Variants in GPHN observed in about 807,000 individuals in gnomAD.
The protein encoded by GPHN is gephyrin.
A neutral mutation model predicts 95.5 loss-of-function variants in GPHN; 17 were observed. The observed-to-expected ratio is 0.18, with a 90% confidence interval of 0.12 to 0.27. The LOEUF is 0.27. GPHN is among the 10% of genes least tolerant of loss of function. GPHN has a pLI of 1.00. For missense variants in GPHN, 660 were observed against 978.1 expected (o/e 0.67, Z 4.34); for synonymous variants, 320 against 322.5 (o/e 0.99, Z 0.08).
chr14:67,488,664 T>C, the GPHN span: 1 of 152,600 alleles, frequency 6.6e-6, no homozygotes. Context: ...CAATCCCACC[T>C]GTGGAGACTT....
intron 11 of GPHN, among the ~76,000 whole-genome samples, chr14:67,066,216 G>A (rs2076052096): frequency 6.6e-6 from 1 of 152,090 alleles, no homozygotes; most frequent in Admixed American, 6.6e-5. Context: ...TGAAATTCTG[G>A]GTTGAAAATT....
chr14:67,237,478 C>T, the GPHN span, among the ~76,000 whole-genome samples: 1 of 151,628 alleles, frequency 6.6e-6, no homozygotes, highest in Non-Finnish European at 1.5e-5. Context: ...AATATGTTTC[C>T]TCCAAAACTT....
At chr14:66,962,533 C>T (rs187758020) in intron 8 of GPHN, among the ~76,000 whole-genome samples, 270 of 151,826 alleles carry the variant, frequency 1.8e-3, no homozygotes, top group African/African-American at 5.1e-3. Flanking sequence ...TTTACTTCCC[C>T]TTATTCTCAT....
chr14:66,572,753 T>G (rs2060747807), intron 1 of GPHN, among the ~76,000 whole-genome samples: 1 of 152,146 alleles, frequency 6.6e-6, no homozygotes, highest in South Asian at 2.1e-4. Context: ...TTCATTTCCT[T>G]TTTTGCCTAA....
chr14:67,688,359 C>A, the GPHN span, among the ~76,000 whole-genome samples: 1 of 152,144 alleles, frequency 6.6e-6, no homozygotes, highest in Non-Finnish European at 1.5e-5. Flanking sequence ...TACAACACAG[C>A]CAATACAATT....
chr14:67,193,944 C>CA, the GPHN span, among the ~76,000 whole-genome samples: 105 of 33,804 alleles, frequency 3.1e-3, no homozygotes, highest in African/African-American at 0.012. Context: ...GACCCTGTCT[C>CA]AAAAAAAAAC....
intron 9 of GPHN, among the ~76,000 whole-genome samples, chr14:67,012,692 T>C (rs2073078196): frequency 6.6e-6 from 1 of 152,154 alleles, no homozygotes; most frequent in Admixed American, 6.5e-5. Flanking sequence ...ATGCTCTACA[T>C]GCATTAGCTT....
At chr14:67,317,258 T>G in the GPHN span, 2 of 629,654 alleles carry the variant, frequency 3.2e-6, no homozygotes, top group Admixed American at 3.5e-5. Context: ...AGGCCAGGAG[T>G]TCAAGACAAG....
intron 6 of GPHN, among the ~76,000 whole-genome samples, chr14:66,921,065 G>A (rs1253211700): frequency 6.6e-6 from 1 of 152,166 alleles, no homozygotes; most frequent in Non-Finnish European, 1.5e-5. Context: ...ACATGTGTGT[G>A]CAAGTGTCTT....
intron 1 of GPHN, among the ~76,000 whole-genome samples, chr14:66,617,342 C>A (rs1021774216): frequency 6.6e-6 from 1 of 152,184 alleles, no homozygotes; most frequent in Admixed American, 6.5e-5. Flanking sequence ...GGCCCAGTGG[C>A]ATGGGTTCGC....
the GPHN span, among the ~76,000 whole-genome samples, chr14:67,554,816 G>T: frequency 6.6e-6 from 1 of 152,208 alleles, no homozygotes; most frequent in East Asian, 1.9e-4. Flanking sequence ...AAGAACTTCA[G>T]TCCCTTTGCT....
the GPHN span, chr14:67,447,524 C>T: frequency 1.3e-5 from 2 of 152,226 alleles, no homozygotes; most frequent in East Asian, 1.9e-4. Flanking sequence ...AGGTAGGTCT[C>T]TTTTAGATGT....
the GPHN span, among the ~76,000 whole-genome samples, chr14:67,545,462 C>A: frequency 6.6e-6 from 1 of 152,018 alleles, no homozygotes; most frequent in Admixed American, 6.6e-5. Context: ...AGTATTCATA[C>A]CTCAAATCAG....
At chr14:67,128,253 A>AC (rs2079455260) in intron 17 of GPHN, among the ~76,000 whole-genome samples, 2 of 148,312 alleles carry the variant, frequency 1.3e-5, no homozygotes, top group Admixed American at 1.3e-4. Flanking sequence ...GCACAACCCT[A>AC]TTTCTACTTT....
the GPHN span, chr14:67,590,299 C>G: frequency 1.4e-6 from 1 of 693,974 alleles, no homozygotes; most frequent in East Asian, 3.3e-5. Flanking sequence ...GTTGCCCAGG[C>G]TGGAGTGCAG....
At chr14:67,359,590 G>A in the GPHN span, 1 of 1,564,614 alleles carries the variant, frequency 6.4e-7, no homozygotes, top group East Asian at 2.3e-5. Flanking sequence ...CTGTGGCCCA[G>A]GGTCTGAAGG....
the GPHN span, chr14:67,579,692 T>G: frequency 6.2e-7 from 1 of 1,606,612 alleles, no homozygotes; most frequent in Non-Finnish European, 8.5e-7. Context: ...GGAGGTTCAC[T>G]CAGGGTTGGA....
At chr14:67,097,567 G>A (rs1010682765) in intron 12 of GPHN, among the ~76,000 whole-genome samples, 1 of 150,516 alleles carries the variant, frequency 6.6e-6, no homozygotes, top group African/African-American at 2.5e-5. Context: ...CTACATACCT[G>A]CACACACACA....
intron 1 of GPHN, among the ~76,000 whole-genome samples, chr14:66,520,134 C>A (rs930202717): frequency 5.3e-5 from 8 of 151,974 alleles, no homozygotes; most frequent in African/African-American, 1.9e-4. Flanking sequence ...TGATGGACAT[C>A]GAGGTTTCTG....
Sources: gnomAD v4.1 joint callset for allele counts (sites outside exome capture counted in the v4.1 genomes callset) on GRCh38, gnomAD v4.1.1 for gene constraint, MANE v1.5 for transcripts, NCBI Gene and HGNC (gene_info 2026-07-23, HGNC 2026-07-21) for gene names.